Variants in GATAD2A observed in about 807,000 individuals in gnomAD.
GATAD2A encodes the protein GATA zinc finger domain containing 2A.
In GATAD2A, 12 loss-of-function variants were observed where a neutral mutation model predicts 68.5. That is an observed-to-expected ratio of 0.18 (90% CI 0.11 to 0.28). The LOEUF (loss-of-function observed/expected upper bound fraction) is 0.28. Ranked by LOEUF, GATAD2A falls within the 10% of genes least tolerant of loss-of-function variation. GATAD2A has a pLI of 1.00. For missense variants in GATAD2A, 755 were observed against 868.5 expected (o/e 0.87, Z 1.64); for synonymous variants, 410 against 375.3 (o/e 1.09, Z -1.07).
chr19:19,475,463 C>T (rs538051192), intron 2 of GATAD2A, among the ~76,000 whole-genome samples: 143 of 131,504 alleles, frequency 1.1e-3, no homozygotes, highest in African/African-American at 4.0e-3. Flanking sequence ...GCGGGGTACT[C>T]TGTGGGCGGC....
chr19:19,490,825 C>CAGTG (rs1270410949), intron 2 of GATAD2A, among the ~76,000 whole-genome samples: 1 of 152,138 alleles, frequency 6.6e-6, no homozygotes, highest in Non-Finnish European at 1.5e-5. Flanking sequence ...GTGGAGGTTG[C>CAGTG]AGTGAGCCGA....
intron 1 of GATAD2A, among the ~76,000 whole-genome samples, chr19:19,462,005 C>T (rs1048393322): frequency 6.6e-6 from 1 of 152,248 alleles, no homozygotes; most frequent in Non-Finnish European, 1.5e-5. Flanking sequence ...GCCACCGGAG[C>T]TGCCTTCCCC....
chr19:19,442,923 G>C (rs1163172504), intron 1 of GATAD2A, among the ~76,000 whole-genome samples: 1 of 152,114 alleles, frequency 6.6e-6, no homozygotes, highest in Non-Finnish European at 1.5e-5. Context: ...CATCTTCTCT[G>C]TGGGCTGCAC....
intron 5 of GATAD2A, 130 bp downstream of exon 5, chr19:19,494,513 GGA>G (rs1166547291): frequency 6.7e-6 from 4 of 600,276 alleles, no homozygotes; most frequent in African/African-American, 1.9e-5. Context: ...TGAGTAGGCT[GGA>G]GTGAGGCCCT....
intron 2 of GATAD2A, among the ~76,000 whole-genome samples, chr19:19,488,797 T>C (rs1262216362): frequency 6.6e-6 from 1 of 152,202 alleles, no homozygotes; most frequent in Admixed American, 6.5e-5. Flanking sequence ...AATCTCTTGA[T>C]CACTACGTTT....
intron 5 of GATAD2A, among the ~76,000 whole-genome samples, chr19:19,494,896 AG>A (rs1486232211): frequency 3.3e-5 from 5 of 152,128 alleles, no homozygotes; most frequent in African/African-American, 1.2e-4. Context: ...GGACTCACTC[AG>A]GAGTGAGCCC....
intron 9 of GATAD2A, 54 bp downstream of exon 9, chr19:19,501,470 GCGATCCACCCCACGCCTGCGCTGCAC>G: frequency 7.3e-7 from 1 of 1,377,126 alleles, no homozygotes. Context: ...AGGCCGTTCC[GCGATCCACCCCACGCCTGCGCTGCAC>G]CGCCTGATTG....
rs116433023 is a variant in GATAD2A, at chr19:19,498,617, A to G, written c.1099A>G (p.Lys367Glu). 2 of 1,613,124 alleles carry G rather than the reference A, an allele frequency of 1.2e-6. No individual in the cohort carries two copies. Among genetic ancestry groups the G allele is most frequent in the Non-Finnish European group, 1.7e-6 (2 of 1,179,388 alleles). ...GACGCTACTCGAGATCCCCCCACCC[A>G]AGCCCCCAGCCCCAGAGATGAACTT... ...EKTLLEIPPP[K>E]PPAPEMNFLP... Residue 367 changes from lysine (K) to glutamate (E), a missense_variant, in exon 8 of 12, where the codon AAG becomes GAG. Lys to Glu is a moderately conservative substitution (Grantham distance 56). Transcript: ENST00000683918.
intron 2 of GATAD2A, among the ~76,000 whole-genome samples, chr19:19,487,647 G>A (rs893934444): frequency 1.3e-5 from 2 of 152,150 alleles, no homozygotes; most frequent in African/African-American, 4.8e-5. Flanking sequence ...CCGAGGCAAG[G>A]GGACAGGGCC....
chr19:19,389,887 G>A (rs899763837), intron 1 of GATAD2A, among the ~76,000 whole-genome samples: 3 of 152,198 alleles, frequency 2.0e-5, no homozygotes, highest in African/African-American at 7.2e-5. Flanking sequence ...CTCAGCCTCT[G>A]AAGTAGCTGG....
intron 2 of GATAD2A, among the ~76,000 whole-genome samples, chr19:19,467,934 A>G (rs73002956): frequency 0.063 from 9,579 of 152,278 alleles, 349 homozygotes; most frequent in South Asian, 0.11. Flanking sequence ...TTAACTCAGC[A>G]GTTTTTCTCT....
chr19:19,467,353 GGAAA>G (rs2057952732), intron 2 of GATAD2A, among the ~76,000 whole-genome samples: 1 of 152,072 alleles, frequency 6.6e-6, no homozygotes, highest in South Asian at 2.1e-4. Context: ...TTCAGCCTGG[GGAAA>G]GAGTGAGACT....
chr19:19,451,797 T>C (rs769462263), intron 1 of GATAD2A, among the ~76,000 whole-genome samples: 2 of 152,234 alleles, frequency 1.3e-5, no homozygotes, highest in Non-Finnish European at 2.9e-5. Context: ...CTGATTGCTC[T>C]TGAGAACTAC....
intron 1 of GATAD2A, among the ~76,000 whole-genome samples, chr19:19,415,322 T>C (rs938827118): frequency 1.4e-4 from 21 of 151,554 alleles, no homozygotes; most frequent in Non-Finnish European, 2.4e-4. Context: ...CCAGCTAATT[T>C]TGTATTTTTA....
At chr19:19,433,609 C>T (rs1255631844) in intron 1 of GATAD2A, among the ~76,000 whole-genome samples, 1 of 151,982 alleles carries the variant, frequency 6.6e-6, no homozygotes, top group Non-Finnish European at 1.5e-5. Flanking sequence ...TGAGATAAAA[C>T]AGTATTTTAC....
At chr19:19,477,215 G>T (rs2058730625) in intron 2 of GATAD2A, among the ~76,000 whole-genome samples, 1 of 152,228 alleles carries the variant, frequency 6.6e-6, no homozygotes, top group South Asian at 2.1e-4. Context: ...TGGGAGACAA[G>T]GGAGGGGACG....
chr19:19,436,484 C>T (rs2054363562), intron 1 of GATAD2A, among the ~76,000 whole-genome samples: 1 of 152,266 alleles, frequency 6.6e-6, no homozygotes, highest in Non-Finnish European at 1.5e-5. Context: ...CCTGTCCTCT[C>T]TGAGGGGCAG....
At chr19:19,487,933 A>C (rs1186170083) in intron 2 of GATAD2A, among the ~76,000 whole-genome samples, 3 of 152,152 alleles carry the variant, frequency 2.0e-5, no homozygotes, top group Non-Finnish European at 4.4e-5. Flanking sequence ...GAAAGGTTCT[A>C]GTGGGAAATG....
At position 19,507,470 on chromosome 19, in the gene GATAD2A, G is replaced by T; in HGVS notation, c.*1996G>T. On this transcript the variant is annotated 3_prime_UTR_variant, in exon 12 of 12. Transcript: ENST00000683918. ...AGCGAACCAACCTCAGTTCTATGCAGTGGCTGGGGATCAGGCATCCAGACC... is the reference window on the plus strand; with the variant it reads ...AGCGAACCAACCTCAGTTCTATGCATTGGCTGGGGATCAGGCATCCAGACC... 1 of 152,226 alleles carries T rather than the reference G, an allele frequency of 6.6e-6. No individual in the cohort carries two copies. The highest frequency in any genetic ancestry group is 1.5e-5 in the Non-Finnish European group (1 of 67,984). The allele number at this position is 152,226 out of a possible 1,614,324, so 9.4% of individuals were successfully genotyped here.
Sources: gnomAD v4.1 joint callset for allele counts (sites outside exome capture counted in the v4.1 genomes callset) on GRCh38, gnomAD v4.1.1 for gene constraint, MANE v1.5 for transcripts, NCBI Gene and HGNC (gene_info 2026-07-23, HGNC 2026-07-21) for gene names.